The following SREK1 variants were observed in gnomAD, a reference collection of about 807,000 sequenced individuals.
SREK1 encodes splicing regulatory glutamic acid and lysine rich protein 1.
In SREK1, 13 loss-of-function variants were observed where a neutral mutation model predicts 66.5. The observed-to-expected ratio is 0.20, with a 90% confidence interval of 0.13 to 0.31. The LOEUF (loss-of-function observed/expected upper bound fraction) is 0.31, where lower values mean the gene tolerates loss of function less well. Ranked by LOEUF, SREK1 falls within the 10% of genes least tolerant of loss-of-function variation. The pLI is 1.00. For synonymous variants in SREK1, 265 were observed against 263.5 expected (o/e 1.01, Z -0.05); for missense variants, 607 against 769.6 (o/e 0.79, Z 2.50).
intron 1 of SREK1, among the ~76,000 whole-genome samples, chr5:66,150,745 A>AT: frequency 6.6e-6 from 1 of 152,354 alleles, no homozygotes; most frequent in East Asian, 1.9e-4. Context: ...AGCAGGATAT[A>AT]TTGACCAATT....
intron 2 of SREK1, chr5:66,156,726 G>T (rs1484291051): frequency 2.0e-6 from 2 of 985,128 alleles, no homozygotes; most frequent in African/African-American, 1.7e-5. Flanking sequence ...TCATTTTTAT[G>T]ATGGTTATTT....
At chr5:66,156,290 T>C in intron 2 of SREK1, 6 of 1,316,044 alleles carry the variant, frequency 4.6e-6, no homozygotes, top group Non-Finnish European at 5.8e-6. Flanking sequence ...TTTTGTTTTG[T>C]TAAATCTCTT....
rs1746642123 is a variant in SREK1 at position 66,183,258 on chromosome 5, AT to A, written c.*4391del. The A allele has an allele frequency of 6.6e-6, 1 of 152,210 alleles. No homozygotes were observed. Among genetic ancestry groups the A allele is most frequent in the Non-Finnish European group, 1.5e-5 (1 of 68,030 alleles). The allele number at this position is 152,210 out of a possible 1,614,324, so 9.4% of individuals were successfully genotyped here. A position where few individuals can be genotyped will look rare whatever the true frequency, so the allele number is the denominator to read the frequency against. ...CATATGTAAGTATAAATTCATAAAAATCACACTGAAAGAATAGGTTGATTTC... is the reference window on the plus strand; with the variant it reads ...CATATGTAAGTATAAATTCATAAAAACACACTGAAAGAATAGGTTGATTTC... On this transcript the variant is annotated 3_prime_UTR_variant, in exon 12 of 12. Transcript: ENST00000334121.
chr5:66,144,782 C>T, intron 1 of SREK1: 4 of 1,210,566 alleles, frequency 3.3e-6, no homozygotes, highest in Non-Finnish European at 4.1e-6. Context: ...CCTTTCTGTG[C>T]CTCCGGGACT....
rs1309580133 is a variant in SREK1, at chr5:66,180,557, T to G, written c.*1689T>G. On this transcript the variant is annotated 3_prime_UTR_variant, in exon 12 of 12. Transcript: ENST00000334121. The stretch of plus-strand genomic sequence containing the variant: ...TGCAAGTAATGAAGCCTGATTTGAT[T>G]ATGAAGCTGCTTAATCACTCTTCAT... 3 of 152,636 alleles carry G rather than the reference T, an allele frequency of 2.0e-5. No homozygotes were observed. Among genetic ancestry groups the G allele is most frequent in the African/African-American group, 7.2e-5 (3 of 41,452 alleles). 9.5% of individuals were successfully genotyped at this position (152,636 alleles called of 1,614,324 possible).
chr5:66,160,929 A>G (rs1265953290), intron 3 of SREK1, among the ~76,000 whole-genome samples: 1 of 152,180 alleles, frequency 6.6e-6, no homozygotes, highest in Non-Finnish European at 1.5e-5. Context: ...CATTTCTTCT[A>G]GTTTACATTC....
chr5:66,161,698 GA>G (rs1328331755), intron 3 of SREK1, among the ~76,000 whole-genome samples: 2 of 152,108 alleles, frequency 1.3e-5, no homozygotes, highest in Non-Finnish European at 2.9e-5. Context: ...TTAAACAGAA[GA>G]ACATATAAAA....
At chr5:66,161,900 T>C (rs181218129) in intron 3 of SREK1, among the ~76,000 whole-genome samples, 6 of 152,266 alleles carry the variant, frequency 3.9e-5, no homozygotes, top group Admixed American at 3.3e-4. Context: ...GGCTAAAATA[T>C]CCAGACAGTA....
At chr5:66,151,625 G>C (rs1580621697) in intron 1 of SREK1, among the ~76,000 whole-genome samples, 1 of 152,244 alleles carries the variant, frequency 6.6e-6, no homozygotes, top group South Asian at 2.1e-4. Flanking sequence ...TGGGAGTCTA[G>C]AGCTCACAAG....
At position 66,180,186 on chromosome 5, in the gene SREK1, A is replaced by G. The variant is rs997898053; in HGVS notation, c.*1318A>G. ...CTTGAGTTTAAGATACAGGTCATCC[A>G]TCATTCTTAGGCTCACTTTTTACAG... is the stretch of plus-strand genomic sequence containing the variant. On this transcript the variant is annotated 3_prime_UTR_variant, in exon 12 of 12. Coordinates refer to ENST00000334121, the MANE Select transcript of SREK1 (RefSeq NM_001077199.3). 6 of 152,676 alleles carry G rather than the reference A, an allele frequency of 3.9e-5. No homozygotes were observed. Among genetic ancestry groups the G allele is most frequent in the Admixed American group, 3.9e-4 (6 of 15,278 alleles). The allele number at this position is 152,676 out of a possible 1,614,324, so 9.5% of individuals were successfully genotyped here.
In SREK1 at chr5:66,155,142, T is replaced by C. The variant is rs578220399; in HGVS notation, c.295+1546T>C. Among the ~76,000 whole-genome samples, 124 of 152,286 alleles carry C rather than the reference T, an allele frequency of 8.1e-4. 3 individuals carry two copies. The South Asian group carries it at 0.025, about 30-fold the overall frequency. On this transcript the variant is annotated intron_variant, in intron 2 of 11. Transcript: ENST00000334121. The stretch of plus-strand genomic sequence containing the variant: ...AAGCCCTACTGTATTTTGTTATAAA[T>C]GTTCAAGATGATGGGCGTGTAGATG...
intron 1 of SREK1, among the ~76,000 whole-genome samples, chr5:66,147,727 C>T (rs2111918145): frequency 6.6e-6 from 1 of 152,260 alleles, no homozygotes; most frequent in East Asian, 1.9e-4. Flanking sequence ...AAGGAAACAG[C>T]ACTTGTGATC....
At chr5:66,146,934 T>C (rs917099941) in intron 1 of SREK1, among the ~76,000 whole-genome samples, 1 of 152,158 alleles carries the variant, frequency 6.6e-6, no homozygotes, top group African/African-American at 2.4e-5. Flanking sequence ...AATTTTATGA[T>C]TGAGCCAGGT....
chr5:66,149,691 T>G (rs1743595296), intron 1 of SREK1, among the ~76,000 whole-genome samples: 1 of 152,242 alleles, frequency 6.6e-6, no homozygotes, highest in African/African-American at 2.4e-5. Context: ...GAGATGACTG[T>G]CAGGCTCTTG....
In SREK1 at chr5:66,178,930, A is replaced by G; in HGVS notation, c.*62A>G. On this transcript the variant is annotated 3_prime_UTR_variant, in exon 12 of 12. Transcript: ENST00000334121. ...CAAATCCAAAGCTTTTAATTCTCTC[A>G]ACAAGATGTAAACAGGAAAGAAATC... 1 of 1,455,768 alleles carries G rather than the reference A, an allele frequency of 6.9e-7. No homozygotes were observed. 90.2% of individuals were successfully genotyped at this position (1,455,768 alleles called of 1,614,324 possible).
chr5:66,170,853 T>C lies in SREK1; in HGVS notation c.1390T>C (p.Ser464Pro), dbSNP rs1745587473. The change falls in exon 9 of 12, where the codon TCC (serine) becomes CCC (proline). Residue 464 changes from serine to proline, a missense_variant. Physicochemically the swap from Ser to Pro is moderately conservative, Grantham distance 74 (BLOSUM62 -1). This residue lies in a region of SREK1 where 318 missense variants were observed against 310.3 expected (regional missense o/e 1.02). Coordinates refer to ENST00000334121, the MANE Select transcript of SREK1 (RefSeq NM_001077199.3). ...AGAAAAGGAACGAGAAAAAGACAGA[T>C]CCAAAGAGATAGATGAAAAAAGAAA... ...DKEKEREKDR[S>P]KEIDEKRKKD... The C allele has an allele frequency of 6.2e-7, 1 of 1,610,308 alleles. No homozygotes were observed. Among genetic ancestry groups the C allele is most frequent in the Non-Finnish European group, 8.5e-7 (1 of 1,179,108 alleles).
intron 2 of SREK1, chr5:66,157,392 A>G (rs1744376653): frequency 2.0e-6 from 2 of 984,032 alleles, no homozygotes; most frequent in South Asian, 9.4e-5. Context: ...AATTTGGGAC[A>G]TTACTAGATT....
At chr5:66,161,276 A>G (rs1375407878) in intron 3 of SREK1, among the ~76,000 whole-genome samples, 1 of 152,164 alleles carries the variant, frequency 6.6e-6, no homozygotes, top group Non-Finnish European at 1.5e-5. Flanking sequence ...GTATTTTTGA[A>G]TTCACTTAGT....
intron 10 of SREK1, among the ~76,000 whole-genome samples, chr5:66,176,343 T>C (rs1746054634): frequency 6.6e-6 from 1 of 152,166 alleles, no homozygotes; most frequent in African/African-American, 2.4e-5. Flanking sequence ...ACCGTATTTT[T>C]AAGTATTTGG....
Sources: gnomAD v4.1 joint callset for allele counts (sites outside exome capture counted in the v4.1 genomes callset) on GRCh38, gnomAD v4.1.1 for gene constraint, gnomAD v4.1.1 regional missense constraint, MANE v1.5 for transcripts, NCBI Gene and HGNC (gene_info 2026-07-23, HGNC 2026-07-21) for gene names.